The following MIGA2 variants were observed in gnomAD, a reference collection of about 807,000 sequenced individuals.
MIGA2 encodes the protein mitoguardin 2, also known as family with sequence similarity 73, member B.
Under a neutral mutation model 69.9 loss-of-function variants are expected in MIGA2, and 36 were observed. The observed-to-expected ratio is 0.52, with a 90% CI of 0.39 to 0.68. The LOEUF is 0.68. Ranked by LOEUF, MIGA2 falls within the 30% of genes least tolerant of loss-of-function variation. The pLI is 0.00. For missense variants in MIGA2, 660 were observed against 787.7 expected, an observed-to-expected ratio of 0.84 and a Z score of 1.94; for synonymous variants, 333 against 349.2, an observed-to-expected ratio of 0.95 and a Z score of 0.52.
At chr9:129,053,813 T>C (rs1016899959) in intron 6 of MIGA2, among the ~76,000 whole-genome samples, 1 of 152,000 alleles carries the variant, frequency 6.6e-6, no homozygotes, top group South Asian at 2.1e-4. Context: ...GGCAACATAG[T>C]GAGACTCTGT....
rs1564143847 is a variant in MIGA2, at chr9:129,071,548, G to C, written c.*1095G>C. On this transcript the variant is annotated 3_prime_UTR_variant, in exon 16 of 16. Coordinates refer to ENST00000684074, the MANE Select transcript of MIGA2 (RefSeq NM_001329990.2). ...CTGCCCTTTCCAGGTTGAGAGGCCT[G>C]CAGGAGAAACACACTCCCCTCCTGG... The C allele has an allele frequency of 6.6e-6, 1 of 152,218 alleles. No individual in the cohort carries two copies. The highest frequency in any genetic ancestry group is 6.5e-5 in the Admixed American group (1 of 15,288). 9.4% of individuals were successfully genotyped at this position (152,218 alleles called of 1,614,324 possible). A position where few individuals can be genotyped will look rare whatever the true frequency, so the allele number is the denominator to read the frequency against.
At chr9:129,062,531 CAAA>C (rs1161024946) in intron 9 of MIGA2, among the ~76,000 whole-genome samples, 8 of 42,534 alleles carry the variant, frequency 1.9e-4, no homozygotes, top group Non-Finnish European at 1.4e-4. Context: ...GACTCCATCT[CAAA>C]AAAAAAAAAA....
chr9:129,065,158 G>A (rs929405441), intron 11 of MIGA2, among the ~76,000 whole-genome samples: 3 of 151,322 alleles, frequency 2.0e-5, no homozygotes, highest in Admixed American at 6.6e-5. Context: ...GGATTTGGCC[G>A]GGCATGGTGG....
At position 129,061,364 on chromosome 9, in the gene MIGA2, GA is replaced by G; in HGVS notation, c.1010+19del. 1 of 1,185,648 alleles carries G rather than the reference GA, an allele frequency of 8.4e-7. No individual in the cohort carries two copies. The highest frequency in any genetic ancestry group is 1.2e-6 in the Non-Finnish European group (1 of 807,544). 73.4% of individuals were successfully genotyped at this position (1,185,648 alleles called of 1,614,324 possible). A position where few individuals can be genotyped will look rare whatever the true frequency, so the allele number is the denominator to read the frequency against. On this transcript the variant is annotated intron_variant, in intron 9 of 15. Transcript: ENST00000684074. The surrounding 1 kb of genome is among the most constrained non-coding windows in gnomAD (Gnocchi z 5.0). Reference sequence around the variant, plus strand: ...ACCCTCAGGTGAGCAGGTGTGGAGGGAGGGAGGGAGGGAGCAGGAGGCGATG... The same window carrying G: ...ACCCTCAGGTGAGCAGGTGTGGAGGGGGGAGGGAGGGAGCAGGAGGCGATG...
At chr9:129,041,024 C>T (rs573555815) in intron 2 of MIGA2, among the ~76,000 whole-genome samples, 1 of 152,170 alleles carries the variant, frequency 6.6e-6, no homozygotes, top group Non-Finnish European at 1.5e-5. Context: ...AACCCTGTCT[C>T]TACTAAAAAT....
Position 129,049,499 on chromosome 9 carries a change from G to A in MIGA2, c.538+1G>A, listed in dbSNP as rs1482492111. ...AATGCAGAGAGCCTGTACATGCAAG[G>A]TGTGGCCAGGAGGTGCCTCAGCTTC... On this transcript the variant is annotated splice_donor_variant, in intron 5 of 15. Coordinates refer to ENST00000684074, the MANE Select transcript of MIGA2 (RefSeq NM_001329990.2). LOFTEE classifies it high-confidence loss of function. 3 of 1,612,888 alleles carry A rather than the reference G, an allele frequency of 1.9e-6. No individual in the cohort carries two copies. The highest frequency in any genetic ancestry group is 3.3e-5 in the Admixed American group (2 of 59,892).
chr9:129,050,026 G>T, intron 6 of MIGA2, 63 bp downstream of exon 6: 2 of 1,552,916 alleles, frequency 1.3e-6, no homozygotes, highest in Non-Finnish European at 8.7e-7. Context: ...GGAGAGGGGC[G>T]GCCACACCTT....
chr9:129,057,328 G>A (rs1845847022), intron 6 of MIGA2, among the ~76,000 whole-genome samples: 1 of 151,958 alleles, frequency 6.6e-6, no homozygotes, highest in Non-Finnish European at 1.5e-5. Flanking sequence ...GTCTCGCTCT[G>A]TTGCCCAGGC....
Position 129,069,527 on chromosome 9 carries a change from C to T in MIGA2, c.1459-322C>T, listed in dbSNP as rs900780838. ...CCCAGGCAGCGACTGGCTGTGCTATCTGGCCTGTGGTTTGTCGTTCCCCTC... is the reference window on the plus strand; with the variant it reads ...CCCAGGCAGCGACTGGCTGTGCTATTTGGCCTGTGGTTTGTCGTTCCCCTC... On this transcript the variant is annotated intron_variant, in intron 14 of 15. Coordinates refer to ENST00000684074, the MANE Select transcript of MIGA2 (RefSeq NM_001329990.2). This position sits in a 1 kb window ranked among gnomAD's most constrained non-coding sequence, Gnocchi z 4.9. 5 of 513,284 alleles carry T rather than the reference C, an allele frequency of 9.7e-6. No homozygotes were observed. The highest frequency in any genetic ancestry group is 1.4e-5 in the Non-Finnish European group (4 of 282,872). The allele number at this position is 513,284 out of a possible 1,614,324, so 31.8% of individuals were successfully genotyped here. A position where few individuals can be genotyped will look rare whatever the true frequency, so the allele number is the denominator to read the frequency against.
In MIGA2 at chr9:129,061,226, C is replaced by T; in HGVS notation, c.895-5C>T. The T allele has an allele frequency of 6.2e-7, 1 of 1,608,410 alleles. No homozygotes were observed. Among genetic ancestry groups the T allele is most frequent in the Non-Finnish European group, 8.5e-7 (1 of 1,177,748 alleles). On this transcript the variant is annotated splice_polypyrimidine_tract_variant and splice_region_variant and intron_variant, in intron 8 of 15. Coordinates refer to ENST00000684074, the MANE Select transcript of MIGA2 (RefSeq NM_001329990.2). This position sits in a 1 kb window ranked among gnomAD's most constrained non-coding sequence, Gnocchi z 5.0. Reference sequence around the variant, plus strand: ...CCTGGTCTCTTCCTCTGCACCCTCTCCCAGCTCTTTGAGTCCCTGCAGACT... The same window carrying T: ...CCTGGTCTCTTCCTCTGCACCCTCTTCCAGCTCTTTGAGTCCCTGCAGACT...
At chr9:129,063,094 C>T in intron 9 of MIGA2, 150 bp from the exon 10 acceptor site, 1 of 714,354 alleles carries the variant, frequency 1.4e-6, no homozygotes, top group Non-Finnish European at 2.4e-6. Flanking sequence ...TCAAGGGAGG[C>T]AGACGCCAGC....
Position 129,061,138 on chromosome 9 carries a change from G to A in MIGA2, c.895-93G>A. 1 of 1,066,924 alleles carries A rather than the reference G, an allele frequency of 9.4e-7. No individual in the cohort carries two copies. The highest frequency in any genetic ancestry group is 1.4e-6 in the Non-Finnish European group (1 of 712,034). The allele number at this position is 1,066,924 out of a possible 1,614,324, so 66.1% of individuals were successfully genotyped here. On this transcript the variant is annotated intron_variant, in intron 8 of 15. Transcript: ENST00000684074. This position sits in a 1 kb window ranked among gnomAD's most constrained non-coding sequence, Gnocchi z 5.0. ...TGGCAGTGGGCAGGCACCTGGGGTG[G>A]CCGCTGTGGCCGACCAATGGGCAGG...
intron 11 of MIGA2, among the ~76,000 whole-genome samples, chr9:129,067,313 C>A (rs937478632): frequency 2.6e-4 from 40 of 152,242 alleles, no homozygotes; most frequent in Non-Finnish European, 4.6e-4. Flanking sequence ...CCGTGCCGTG[C>A]AGCGGCACTT....
intron 6 of MIGA2, among the ~76,000 whole-genome samples, chr9:129,050,555 G>A (rs1450989565): frequency 2.7e-5 from 4 of 149,670 alleles, no homozygotes; most frequent in African/African-American, 9.9e-5. Flanking sequence ...TTACAGGCGT[G>A]AGCCATCGTA....
In MIGA2 at chr9:129,060,615, C is replaced by G. The variant is rs1208774912; in HGVS notation, c.859C>G (p.Leu287Val). ...LRLRADDEDS[L>V]TSEDSFFSAT... ...GCTGCGGGCGGACGATGAGGACAGC[C>G]TGACTTCAGAGGATTCCTTCTTCTC... Residue 287 changes from leucine (L) to valine (V), a missense_variant, in exon 8 of 16, where the codon CTG (leucine) becomes GTG (valine). By Grantham distance (32) the Leu-to-Val change is conservative. Transcript: ENST00000684074. The surrounding 1 kb of genome is among the most constrained non-coding windows in gnomAD (Gnocchi z 4.8). 6 of 1,604,518 alleles carry G rather than the reference C, an allele frequency of 3.7e-6. No homozygotes were observed. The highest frequency in any genetic ancestry group is 5.1e-6 in the Non-Finnish European group (6 of 1,175,762).
In MIGA2 at chr9:129,049,378, C is replaced by T; in HGVS notation, c.421-3C>T. The T allele has an allele frequency of 6.2e-7, 1 of 1,612,946 alleles. No individual in the cohort carries two copies. Among genetic ancestry groups the T allele is most frequent in the East Asian group, 2.2e-5 (1 of 44,858 alleles). On this transcript the variant is annotated splice_region_variant and splice_polypyrimidine_tract_variant and intron_variant, in intron 4 of 15. Coordinates refer to ENST00000684074, the MANE Select transcript of MIGA2 (RefSeq NM_001329990.2). ...CTTTCTTCTTGCACTGATTGGCGCC[C>T]AGATGATGGCAGTGAACTCATCCAG...
intron 5 of MIGA2, 23 bp from the exon 6 acceptor site, chr9:129,049,804 C>T (rs2131357761): frequency 6.2e-7 from 1 of 1,613,762 alleles, no homozygotes; most frequent in South Asian, 1.1e-5. Flanking sequence ...CTGACCCACG[C>T]TTTTCGCCTC....
At chr9:129,056,569 AG>A (rs1000326455) in intron 6 of MIGA2, among the ~76,000 whole-genome samples, 9 of 151,682 alleles carry the variant, frequency 5.9e-5, no homozygotes, top group African/African-American at 2.2e-4. Flanking sequence ...CCCAGGCTGA[AG>A]TGCAGTGGCA....
intron 5 of MIGA2, 64 bp downstream of exon 5, chr9:129,049,562 G>A (rs745377941): frequency 4.2e-5 from 64 of 1,527,634 alleles, no homozygotes; most frequent in Non-Finnish European, 5.4e-5. Flanking sequence ...CCCTTCCTAG[G>A]AGCTTGGCCA....
Sources: gnomAD v4.1 joint callset for allele counts (sites outside exome capture counted in the v4.1 genomes callset) on GRCh38, gnomAD v4.1.1 for gene constraint, Gnocchi (gnomAD v3.1) non-coding constraint, MANE v1.5 for transcripts, NCBI Gene and HGNC (gene_info 2026-07-23, HGNC 2026-07-21) for gene names.